The following GMPR variants were observed in gnomAD, a reference collection of about 807,000 sequenced individuals.
GMPR encodes GMP reductase 1.
In GMPR, 31 loss-of-function variants were observed where a neutral mutation model predicts 38.4. That is an observed-to-expected ratio of 0.81 (90% CI 0.61 to 1.09). The LOEUF (loss-of-function observed/expected upper bound fraction) is 1.09, where lower values mean the gene tolerates loss of function less well. Among genes scored for constraint, GMPR ranks in the 50% least tolerant of loss-of-function variants. The pLI, the probability that GMPR is intolerant of heterozygous loss-of-function variation, is 0.00. For missense variants in GMPR, 468 were observed against 453.7 expected, an observed-to-expected ratio of 1.03 and a Z score of -0.29; for synonymous variants, 162 against 173.3, an observed-to-expected ratio of 0.93 and a Z score of 0.51.
In GMPR at chr6:16,284,848, C is replaced by T. The variant is rs558878331; in HGVS notation, c.655-945C>T. 1.7e-4 allele frequency among the ~76,000 whole-genome samples: 26 copies of T among 151,964 alleles called. 3 individuals carry two copies. Among genetic ancestry groups the T allele is most frequent in the African/African-American group, 6.0e-4 (25 of 41,450 alleles). ...CAGCCAGGCCAACGTGGCGAAATCC[C>T]GTCTCTACTAAAAGTACAAAAATTA... On this transcript the variant is annotated intron_variant, in intron 6 of 8. Transcript: ENST00000259727.
chr6:16,266,232 C>G (rs954063840), intron 4 of GMPR, among the ~76,000 whole-genome samples: 2 of 151,454 alleles, frequency 1.3e-5, no homozygotes, highest in Non-Finnish European at 2.9e-5. Flanking sequence ...GAACGCCGCG[C>G]GCACCACCTT....
At chr6:16,272,532 C>T (rs1759404584) in intron 4 of GMPR, among the ~76,000 whole-genome samples, 1 of 152,212 alleles carries the variant, frequency 6.6e-6, no homozygotes, top group Non-Finnish European at 1.5e-5. Flanking sequence ...CTGTTTACAA[C>T]TATTGATAAT....
intron 4 of GMPR, among the ~76,000 whole-genome samples, chr6:16,270,088 T>C (rs1759352753): frequency 6.6e-6 from 1 of 152,264 alleles, no homozygotes; most frequent in Non-Finnish European, 1.5e-5. Context: ...ACTTTAATTT[T>C]GGAGGGACGT....
chr6:16,264,059 G>C (rs1015000508), intron 4 of GMPR, among the ~76,000 whole-genome samples: 3 of 151,964 alleles, frequency 2.0e-5, no homozygotes, highest in Non-Finnish European at 4.4e-5. Context: ...AAGGACCAAG[G>C]CAGGCATCCC....
chr6:16,285,425 A>G (rs1216779903), intron 6 of GMPR, among the ~76,000 whole-genome samples: 1 of 152,178 alleles, frequency 6.6e-6, no homozygotes, highest in South Asian at 2.1e-4. Flanking sequence ...TGGACAGTGG[A>G]ATGGCTGGGT....
rs190585171 is a variant in GMPR at position 16,281,593 on chromosome 6, C to T, written c.654+2703C>T. 3.7e-3 allele frequency among the ~76,000 whole-genome samples: 560 copies of T among 152,210 alleles called. 2 individuals carry two copies. Among genetic ancestry groups the T allele is most frequent in the African/African-American group, 0.013 (535 of 41,512 alleles). ...TGATCTCAGCTCCCTGCTAGAATGCCTCCCGGGTTCAAGCGATTCTCCTGC... is the reference window on the plus strand; with the variant it reads ...TGATCTCAGCTCCCTGCTAGAATGCTTCCCGGGTTCAAGCGATTCTCCTGC... On this transcript the variant is annotated intron_variant, in intron 6 of 8. Transcript: ENST00000259727.
At chr6:16,290,663 T>C (rs374168928) in intron 8 of GMPR, 42 bp downstream of exon 8, 271 of 1,578,616 alleles carry the variant, frequency 1.7e-4, no homozygotes, top group Non-Finnish European at 1.9e-4. Context: ...GGCCTGGCCT[T>C]GCTTTTCTTA....
intron 5 of GMPR, among the ~76,000 whole-genome samples, chr6:16,275,779 C>G (rs1365229453): frequency 6.6e-6 from 1 of 152,200 alleles, no homozygotes; most frequent in Non-Finnish European, 1.5e-5. Context: ...AAATATGGGC[C>G]TGATGTGGTG....
Position 16,267,914 on chromosome 6 carries a change from C to A in GMPR, c.466-6501C>A, listed in dbSNP as rs564116055. On this transcript the variant is annotated intron_variant, in intron 4 of 8. Coordinates refer to ENST00000259727, the MANE Select transcript of GMPR (RefSeq NM_006877.4). ...TCTCCAGGGCGGGACCCTGACATTT[C>A]CATGCATGACTGATGGCTCATTGGC... 3.4e-4 allele frequency among the ~76,000 whole-genome samples: 52 copies of A among 152,364 alleles called. No individual in the cohort carries two copies. In the South Asian group the frequency reaches 3.7e-3, roughly 11 times the overall value.
At chr6:16,285,295 A>T (rs186314386) in intron 6 of GMPR, among the ~76,000 whole-genome samples, 13 of 152,366 alleles carry the variant, frequency 8.5e-5, no homozygotes, top group African/African-American at 3.1e-4. Context: ...ACCTGGAAAG[A>T]TAAAAGGATT....
At chr6:16,294,813 G>C (rs1306569368) in intron 8 of GMPR, among the ~76,000 whole-genome samples, 193 bp from the exon 9 acceptor site, 1 of 152,192 alleles carries the variant, frequency 6.6e-6, no homozygotes, top group East Asian at 1.9e-4. Context: ...TGGGCGGGAG[G>C]AATGTGTTCA....
In GMPR at chr6:16,240,839, G is replaced by A. The variant is rs564179301; in HGVS notation, c.87+2059G>A. ...GAGTCTCTTTTGTATTTTTATGTTC[G>A]TGGGAGTTTGCCAGCCACGGGCCTG... On this transcript the variant is annotated intron_variant, in intron 1 of 8. Transcript: ENST00000259727. 7.9e-5 allele frequency among the ~76,000 whole-genome samples: 12 copies of A among 152,204 alleles called. 1 individual carries two copies. Among genetic ancestry groups the A allele is most frequent in the Admixed American group, 5.2e-4 (8 of 15,286 alleles).
At chr6:16,288,177 G>A (rs1003849239) in intron 7 of GMPR, among the ~76,000 whole-genome samples, 1 of 152,236 alleles carries the variant, frequency 6.6e-6, no homozygotes, top group South Asian at 2.1e-4. Context: ...CCTTCAGCCC[G>A]TCTCTGCACT....
intron 4 of GMPR, among the ~76,000 whole-genome samples, chr6:16,266,646 CAAAA>C (rs568746936): frequency 6.6e-6 from 1 of 150,452 alleles, no homozygotes; most frequent in Non-Finnish European, 1.5e-5. Flanking sequence ...ACTAAAAGTA[CAAAA>C]AAAAGAAAAA....
intron 7 of GMPR, among the ~76,000 whole-genome samples, chr6:16,288,344 T>A (rs1005540616): frequency 1.7e-4 from 26 of 152,242 alleles, no homozygotes; most frequent in African/African-American, 5.3e-4. Context: ...GGCCCTGCAC[T>A]CGGAGCGGCC....
At chr6:16,258,729 TATGTCCTTGGTTTTTGG>T (rs1189509855) in intron 4 of GMPR, among the ~76,000 whole-genome samples, 2 of 152,240 alleles carry the variant, frequency 1.3e-5, no homozygotes, top group Non-Finnish European at 2.9e-5. Context: ...CCAGTACTTT[TATGTCCTTGGTTTTTGG>T]TGTTTTTGAA....
At chr6:16,278,562 C>T (rs1479111804) in intron 5 of GMPR, among the ~76,000 whole-genome samples, 1 of 152,032 alleles carries the variant, frequency 6.6e-6, no homozygotes, top group Non-Finnish European at 1.5e-5. Flanking sequence ...GGGACATCAG[C>T]CAGTGACAGT....
At chr6:16,250,841 A>T (rs1306392776) in intron 3 of GMPR, among the ~76,000 whole-genome samples, 3 of 152,016 alleles carry the variant, frequency 2.0e-5, no homozygotes, top group Non-Finnish European at 4.4e-5. Flanking sequence ...CAGGAGTTCA[A>T]GGCCAGCCTG....
chr6:16,274,488 T>C lies in GMPR; in HGVS notation c.539T>C (p.Val180Ala), dbSNP rs776779386. ...LSGADIIKVG[V>A]GPGSVCTTRT... The stretch of plus-strand genomic sequence containing the variant: ...GGAGCAGATATCATCAAAGTGGGAG[T>C]TGGACCAGGTAAGACTTGTTAGGAG... Residue 180 changes from valine to alanine, a missense_variant, in exon 5 of 9, where the codon GTT becomes GCT. By Grantham distance (64) the Val-to-Ala change is moderately conservative. Coordinates refer to ENST00000259727, the MANE Select transcript of GMPR (RefSeq NM_006877.4). 1.3e-6 allele frequency: 2 copies of C among 1,592,498 alleles called. No individual in the cohort carries two copies. Among genetic ancestry groups the C allele is most frequent in the Non-Finnish European group, 8.6e-7 (1 of 1,160,498 alleles).
Sources: allele counts gnomAD v4.1 joint callset (sites outside exome capture counted in the v4.1 genomes callset), GRCh38; gene constraint gnomAD v4.1.1; transcripts MANE v1.5; gene names NCBI Gene and HGNC (gene_info 2026-07-23, HGNC 2026-07-21).